Variants in RMP64 observed in about 807,000 individuals in gnomAD.
The protein encoded by RMP64 is ribonuclease MRP subunit p64.
At chr3:113,008,321 C>T in the RMP64 span, 13 of 1,614,044 alleles carry the variant, frequency 8.1e-6, no homozygotes, top group East Asian at 2.2e-5. Context: ...CTCAGCCTCT[C>T]GGAATCTTTG....
the RMP64 span, chr3:113,014,013 C>A: frequency 1.3e-5 from 21 of 1,612,714 alleles, no homozygotes; most frequent in Non-Finnish European, 1.7e-5. Context: ...GTTTTTCAAA[C>A]GCTTTAAACA....
chr3:113,010,547 G>C, the RMP64 span: 5 of 992,716 alleles, frequency 5.0e-6, no homozygotes, highest in South Asian at 5.6e-5. Context: ...TTAGAGCTGG[G>C]GATAAAATGA....
the RMP64 span, among the ~76,000 whole-genome samples, chr3:113,017,762 A>C: frequency 6.1e-3 from 928 of 152,344 alleles, 6 homozygotes; most frequent in African/African-American, 0.021. Context: ...TCTAAGTATA[A>C]GAGAAGTTGG....
At chr3:113,015,441 T>C in the RMP64 span, among the ~76,000 whole-genome samples, 1 of 152,088 alleles carries the variant, frequency 6.6e-6, no homozygotes, top group South Asian at 2.1e-4. Flanking sequence ...TTAAATAGGG[T>C]CTGTTTTTAT....
chr3:113,012,345 G>A, the RMP64 span, among the ~76,000 whole-genome samples: 3 of 152,174 alleles, frequency 2.0e-5, no homozygotes. Context: ...TAAACGGCCT[G>A]TTGCAATATG....
chr3:113,009,272 C>G, the RMP64 span, among the ~76,000 whole-genome samples: 1 of 151,976 alleles, frequency 6.6e-6, no homozygotes, highest in African/African-American at 2.4e-5. Context: ...ATGATCTGCT[C>G]TTTCATTCAA....
the RMP64 span, chr3:113,013,022 T>C: frequency 2.0e-5 from 12 of 614,276 alleles, no homozygotes; most frequent in South Asian, 8.4e-5. Flanking sequence ...TTCTTAAAGT[T>C]TAGTTTCTAA....
the RMP64 span, among the ~76,000 whole-genome samples, chr3:113,015,734 A>G: frequency 6.6e-6 from 1 of 152,180 alleles, no homozygotes; most frequent in Non-Finnish European, 1.5e-5. Context: ...TAACATAAGC[A>G]TAAAACATGT....
the RMP64 span, chr3:113,011,561 T>G: frequency 3.7e-6 from 2 of 537,202 alleles, no homozygotes. Context: ...ACAGCCAGAT[T>G]AGTCCAACCC....
the RMP64 span, chr3:113,013,096 T>G: frequency 1.5e-6 from 1 of 674,786 alleles, no homozygotes; most frequent in Non-Finnish European, 2.6e-6. Context: ...ACAGGCAGTC[T>G]CTGGCAATGG....
the RMP64 span, chr3:113,008,909 AT>A: frequency 1.3e-5 from 2 of 154,492 alleles, no homozygotes; most frequent in African/African-American, 4.8e-5. Context: ...TCAAAGCCTA[AT>A]TGCAGAGGGT....
At chr3:113,005,296 T>A in the RMP64 span, 1 of 514,468 alleles carries the variant, frequency 1.9e-6, no homozygotes, top group Non-Finnish European at 3.5e-6. Context: ...AAGGGTAGGC[T>A]GTGGCAGATT....
At chr3:113,013,579 G>A in the RMP64 span, among the ~76,000 whole-genome samples, 648 of 151,886 alleles carry the variant, frequency 4.3e-3, 8 homozygotes, top group African/African-American at 0.015. Flanking sequence ...TGTCCTCCCT[G>A]GGCGACCCTT....
chr3:113,005,109 C>A, the RMP64 span: 1 of 204,182 alleles, frequency 4.9e-6, no homozygotes, highest in Non-Finnish European at 1.0e-5. Flanking sequence ...TATAATGGAG[C>A]CAATAAGACC....
the RMP64 span, chr3:113,005,452 G>A: frequency 1.2e-6 from 1 of 840,912 alleles, no homozygotes; most frequent in Non-Finnish European, 2.0e-6. Context: ...GAGTCCAGGT[G>A]GTACTTCCAG....
the RMP64 span, among the ~76,000 whole-genome samples, chr3:113,006,568 C>G: frequency 6.6e-6 from 1 of 152,334 alleles, no homozygotes; most frequent in Middle Eastern, 3.4e-3. Context: ...ATTCAGAAAT[C>G]AAACAGCTGA....
At chr3:113,017,736 G>T in the RMP64 span, 3 of 704,706 alleles carry the variant, frequency 4.3e-6, no homozygotes, top group Non-Finnish European at 6.8e-6. Context: ...AGTCTCAACT[G>T]TAAGAACGTA....
chr3:113,013,409 A>C, the RMP64 span: 1 of 1,583,722 alleles, frequency 6.3e-7, no homozygotes, highest in Non-Finnish European at 8.5e-7. Flanking sequence ...TTTCACTTGA[A>C]AAAAATAGAA....
At chr3:113,014,015 C>T in the RMP64 span, 1 of 1,612,614 alleles carries the variant, frequency 6.2e-7, no homozygotes, top group Non-Finnish European at 8.5e-7. Flanking sequence ...TTTTCAAACG[C>T]TTTAAACATT....
Sources: allele counts gnomAD v4.1 joint callset (sites outside exome capture counted in the v4.1 genomes callset), GRCh38; gene constraint gnomAD v4.1.1; transcripts MANE v1.5; gene names NCBI Gene and HGNC (gene_info 2026-07-23, HGNC 2026-07-21).